The following CDH4 variants were observed in gnomAD, a reference collection of about 807,000 sequenced individuals.
CDH4 encodes cadherin-4.
In CDH4, 33 loss-of-function variants were observed where a neutral mutation model predicts 86.0. The ratio of observed to expected loss-of-function variants is 0.38; its 90% CI spans 0.29 to 0.51. The LOEUF (loss-of-function observed/expected upper bound fraction) is 0.51, where lower values mean the gene tolerates loss of function less well. Among genes scored for constraint, CDH4 ranks in the 20% least tolerant of loss-of-function variants. The pLI is 0.86. For synonymous variants in CDH4, 555 were observed against 549.4 expected (o/e 1.01, Z -0.14); for missense variants, 1,114 against 1,307.4 (o/e 0.85, Z 2.28).
At chr20:61,595,975 C>T (rs2254277) in intron 2 of CDH4, among the ~76,000 whole-genome samples, 114,236 of 151,902 alleles carry the variant, frequency 0.75, 43,031 homozygotes, top group Admixed American at 0.81. Flanking sequence ...CACTCGCTCT[C>T]AGCTGCACAT....
chr20:61,712,566 T>C (rs2087905084), intron 2 of CDH4, among the ~76,000 whole-genome samples: 1 of 152,144 alleles, frequency 6.6e-6, no homozygotes, highest in Non-Finnish European at 1.5e-5. Context: ...TCCCCTCCTT[T>C]CTTCCTCCTC....
chr20:61,396,843 C>G (rs914902821), intron 2 of CDH4, among the ~76,000 whole-genome samples: 10 of 152,154 alleles, frequency 6.6e-5, no homozygotes, highest in Non-Finnish European at 1.0e-4. Flanking sequence ...CCCCAGGGCT[C>G]TAGTGGTTTT....
At chr20:61,776,527 C>G (rs1382491861) in intron 4 of CDH4, among the ~76,000 whole-genome samples, 1 of 152,226 alleles carries the variant, frequency 6.6e-6, no homozygotes, top group African/African-American at 2.4e-5. Flanking sequence ...TCATCTGCTC[C>G]TCATATCCCC....
At position 61,902,189 on chromosome 20, in the gene CDH4, G is replaced by T. The variant is rs1443948358; in HGVS notation, c.1188+7142G>T. Among the ~76,000 whole-genome samples, 2 of 152,218 alleles carry T rather than the reference G, an allele frequency of 1.3e-5. No homozygotes were observed. The highest frequency in any genetic ancestry group is 2.9e-5 in the Non-Finnish European group (2 of 68,030). ...AGGCGGGTCCTCGGCAGGCGTGGAG[G>T]CATCGTGGATGGCCGTTTTCAGAGC... On this transcript the variant is annotated intron_variant, in intron 8 of 15. Coordinates refer to ENST00000614565, the MANE Select transcript of CDH4 (RefSeq NM_001794.5). The surrounding 1 kb of genome is among the most constrained non-coding windows in gnomAD (Gnocchi z 4.6).
rs1443817590 is a variant in CDH4, at chr20:61,811,753, C to T, written c.577-32915C>T. 1.3e-5 allele frequency among the ~76,000 whole-genome samples: 2 copies of T among 150,430 alleles called. No homozygotes were observed. Among genetic ancestry groups the T allele is most frequent in the Admixed American group, 1.3e-4 (2 of 14,956 alleles). On this transcript the variant is annotated intron_variant, in intron 4 of 15. Transcript: ENST00000614565. This position sits in a 1 kb window ranked among gnomAD's most constrained non-coding sequence, Gnocchi z 4.4. The stretch of plus-strand genomic sequence containing the variant: ...GTGCCACGATCTCCACTCACTGCAA[C>T]CTCTGCCTCCCGGGTTCAAGCAATT...
intron 2 of CDH4, among the ~76,000 whole-genome samples, chr20:61,490,739 G>T (rs1053361452): frequency 2.0e-5 from 3 of 152,110 alleles, no homozygotes; most frequent in African/African-American, 2.4e-5. Context: ...GCAGTGGTGG[G>T]AGTCGGAGTG....
intron 2 of CDH4, among the ~76,000 whole-genome samples, chr20:61,652,825 C>T (rs1029396633): frequency 1.4e-5 from 2 of 138,130 alleles, no homozygotes. Context: ...TTTCCTTTCC[C>T]ATAATGCCAA....
At chr20:61,846,259 C>T (rs1021369878) in intron 5 of CDH4, among the ~76,000 whole-genome samples, 1 of 152,250 alleles carries the variant, frequency 6.6e-6, no homozygotes, top group Non-Finnish European at 1.5e-5. Context: ...ACCTGATTGA[C>T]AGTGCCTGGG....
intron 2 of CDH4, among the ~76,000 whole-genome samples, chr20:61,567,332 T>A (rs1038659172): frequency 1.3e-5 from 2 of 152,132 alleles, no homozygotes; most frequent in Non-Finnish European, 2.9e-5. Flanking sequence ...GAAATGTACT[T>A]TTCACAGTTC....
chr20:61,422,004 C>T (rs1028712712), intron 2 of CDH4, among the ~76,000 whole-genome samples: 4 of 152,212 alleles, frequency 2.6e-5, no homozygotes, highest in Admixed American at 1.3e-4. Context: ...TCACCAGCCA[C>T]AGTCAGAGGC....
intron 11 of CDH4, 44 bp downstream of exon 11, chr20:61,924,520 G>C (rs374501110): frequency 6.3e-7 from 1 of 1,588,970 alleles, no homozygotes; most frequent in Non-Finnish European, 8.6e-7. Flanking sequence ...TGGCCTTCCC[G>C]TGTCCTGGGT....
chr20:61,932,901 G>C (rs2055131099), intron 13 of CDH4, 84 bp from the exon 14 acceptor site: 2 of 1,536,054 alleles, frequency 1.3e-6, no homozygotes, highest in Admixed American at 3.7e-5. Context: ...GCATGTACAT[G>C]CCCACATAGA....
At chr20:61,894,107 G>A (rs961629153) in intron 7 of CDH4, among the ~76,000 whole-genome samples, 9 of 152,202 alleles carry the variant, frequency 5.9e-5, no homozygotes, top group African/African-American at 1.2e-4. Context: ...GGTGAGAGGC[G>A]GGCTGTGGTC....
At chr20:61,624,661 G>A (rs1023381472) in intron 2 of CDH4, among the ~76,000 whole-genome samples, 1 of 152,344 alleles carries the variant, frequency 6.6e-6, no homozygotes, top group Non-Finnish European at 1.5e-5. Flanking sequence ...AGTCAACTTC[G>A]AGGGCAAAAA....
intron 6 of CDH4, among the ~76,000 whole-genome samples, chr20:61,863,926 C>CG (rs574679587): frequency 1.3e-3 from 171 of 135,632 alleles, no homozygotes; most frequent in African/African-American, 4.2e-3. Context: ...CTGCCTGCCT[C>CG]AGCTTCAGCT....
intron 2 of CDH4, among the ~76,000 whole-genome samples, chr20:61,632,272 A>T (rs1221780679): frequency 1.1e-4 from 17 of 151,642 alleles, no homozygotes; most frequent in Admixed American, 1.1e-3. Flanking sequence ...TTGAAAACAG[A>T]AATTCAGTTG....
At chr20:61,303,725 G>A (rs2084398189) in intron 2 of CDH4, among the ~76,000 whole-genome samples, 1 of 152,186 alleles carries the variant, frequency 6.6e-6, no homozygotes. Flanking sequence ...GAGGAGGTAG[G>A]AGCTGGGCTG....
At chr20:61,671,994 TG>T (rs148732195) in intron 2 of CDH4, among the ~76,000 whole-genome samples, 17,800 of 146,458 alleles carry the variant, frequency 0.12, 1,357 homozygotes, top group East Asian at 0.34. Context: ...GATGAATAGA[TG>T]GGTGGTTGGA....
chr20:61,738,702 C>A (rs562598138), intron 2 of CDH4: 1 of 152,436 alleles, frequency 6.6e-6, no homozygotes, highest in African/African-American at 2.4e-5. Flanking sequence ...CCGCCCCCAT[C>A]CTCCACCAGG....
Sources: gnomAD v4.1 joint callset for allele counts (sites outside exome capture counted in the v4.1 genomes callset) on GRCh38, gnomAD v4.1.1 for gene constraint, Gnocchi (gnomAD v3.1) non-coding constraint, MANE v1.5 for transcripts, NCBI Gene and HGNC (gene_info 2026-07-23, HGNC 2026-07-21) for gene names.